Variants in UBASH3B observed in about 807,000 individuals in gnomAD.
UBASH3B encodes the protein ubiquitin-associated and SH3 domain-containing protein B.
A neutral mutation model predicts 83.4 loss-of-function variants in UBASH3B; 37 were observed. That is an observed-to-expected ratio of 0.44 (90% CI 0.34 to 0.58). The LOEUF (loss-of-function observed/expected upper bound fraction) is 0.58. Among genes scored for constraint, UBASH3B ranks in the 20% least tolerant of loss-of-function variants. UBASH3B has a pLI of 0.01. For missense variants in UBASH3B, 657 were observed against 827.2 expected, an observed-to-expected ratio of 0.79 and a Z score of 2.52; for synonymous variants, 304 against 318.3, an observed-to-expected ratio of 0.96 and a Z score of 0.48.
intron 1 of UBASH3B, among the ~76,000 whole-genome samples, chr11:122,711,769 T>G (rs1335444098): frequency 6.6e-6 from 1 of 152,174 alleles, no homozygotes; most frequent in East Asian, 1.9e-4. Context: ...AAAATGGGAA[T>G]ACTAATCCTG....
At chr11:122,688,786 A>G (rs1863845235) in intron 1 of UBASH3B, among the ~76,000 whole-genome samples, 1 of 152,040 alleles carries the variant, frequency 6.6e-6, no homozygotes, top group South Asian at 2.1e-4. Flanking sequence ...CTGGGACTAC[A>G]GGCGCCCGCC....
intron 1 of UBASH3B, 122 bp downstream of exon 1, chr11:122,656,332 C>T: frequency 5.7e-6 from 6 of 1,060,928 alleles, no homozygotes; most frequent in Non-Finnish European, 7.3e-6. Flanking sequence ...CTGCCCGAGA[C>T]CTGTTGGGGG....
intron 2 of UBASH3B, 27 bp from the exon 3 acceptor site, chr11:122,776,997 C>T: frequency 1.9e-6 from 3 of 1,559,608 alleles, no homozygotes; most frequent in South Asian, 2.4e-5. Context: ...TCAAGCGACA[C>T]CTTGTTGGCT....
intron 1 of UBASH3B, among the ~76,000 whole-genome samples, chr11:122,699,531 C>CTCTTTCTTTCTTTCTCTT (rs1555137140): frequency 3.2e-4 from 34 of 107,928 alleles, no homozygotes; most frequent in African/African-American, 1.2e-3. Context: ...TTCTTTCTTT[C>CTCTTTCTTTCTTTCTCTT]TCTTTCTTTC....
chr11:122,656,109 C>A lies in UBASH3B; in HGVS notation c.60C>A (p.Ser20Arg). 1.2e-6 allele frequency: 2 copies of A among 1,601,932 alleles called. No homozygotes were observed. The highest frequency in any genetic ancestry group is 1.7e-6 in the Non-Finnish European group (2 of 1,175,356). The change falls in exon 1 of 14, where the codon AGC (serine) becomes AGA (arginine). Residue 20 changes from serine to arginine, a missense_variant. Physicochemically the swap from Ser to Arg is moderately radical, Grantham distance 110. This residue lies in a region of UBASH3B where 78 missense variants were observed against 68.4 expected (regional missense o/e 1.14). Coordinates refer to ENST00000284273, the MANE Select transcript of UBASH3B (RefSeq NM_032873.5). ...TGGCTGCGAGAGAGGAGCTGTACAG[C>A]AAAGTCACCCCCCGGAGGAACCGCC... ...LGMAAREELY[S>R]KVTPRRNRQQ...
intron 1 of UBASH3B, among the ~76,000 whole-genome samples, chr11:122,728,110 T>G (rs1860776113): frequency 6.6e-6 from 1 of 152,186 alleles, no homozygotes; most frequent in African/African-American, 2.4e-5. Flanking sequence ...GGTGCTGGTA[T>G]TACAGGCGTG....
At chr11:122,779,475 G>A in intron 3 of UBASH3B, 22 bp from the exon 4 acceptor site, 1 of 1,613,066 alleles carries the variant, frequency 6.2e-7, no homozygotes, top group Non-Finnish European at 8.5e-7. Flanking sequence ...TCTGAGTGAA[G>A]ACTGCCTGTT....
intron 1 of UBASH3B, among the ~76,000 whole-genome samples, chr11:122,712,816 A>G (rs1864213382): frequency 6.8e-6 from 1 of 147,156 alleles, no homozygotes. Context: ...TGGATGAATG[A>G]GGAATAGTGG....
At chr11:122,664,751 A>G (rs1010318803) in intron 1 of UBASH3B, among the ~76,000 whole-genome samples, 3 of 152,242 alleles carry the variant, frequency 2.0e-5, no homozygotes, top group Admixed American at 2.0e-4. Flanking sequence ...ATGAACATCC[A>G]GAAACTGTCT....
At chr11:122,718,096 A>G (rs1245615548) in intron 1 of UBASH3B, among the ~76,000 whole-genome samples, 1 of 151,846 alleles carries the variant, frequency 6.6e-6, no homozygotes, top group Non-Finnish European at 1.5e-5. Flanking sequence ...TAATTTTTGT[A>G]TTTTTAGTAG....
chr11:122,690,232 AATTT>A, intron 1 of UBASH3B, among the ~76,000 whole-genome samples: 1 of 118,714 alleles, frequency 8.4e-6, no homozygotes, highest in African/African-American at 3.1e-5. Context: ...ATATATATCC[AATTT>A]TATATATATA....
intron 1 of UBASH3B, among the ~76,000 whole-genome samples, chr11:122,755,972 G>A (rs1449374722): frequency 6.6e-6 from 1 of 152,066 alleles, no homozygotes; most frequent in East Asian, 1.9e-4. Flanking sequence ...CCATTACCAC[G>A]GAAGGCACTG....
chr11:122,703,039 C>G (rs1864064293), intron 1 of UBASH3B, among the ~76,000 whole-genome samples: 1 of 151,778 alleles, frequency 6.6e-6, no homozygotes, highest in Non-Finnish European at 1.5e-5. Context: ...TTGAAATGTC[C>G]TCTTTCCTCT....
intron 4 of UBASH3B, among the ~76,000 whole-genome samples, chr11:122,780,799 G>A (rs1014347188): frequency 1.3e-5 from 2 of 152,196 alleles, no homozygotes; most frequent in African/African-American, 4.8e-5. Flanking sequence ...TGACCAGAGT[G>A]GATGGTGCAG....
intron 1 of UBASH3B, among the ~76,000 whole-genome samples, chr11:122,722,494 C>T (rs1860656826): frequency 6.6e-6 from 1 of 152,082 alleles, no homozygotes; most frequent in East Asian, 1.9e-4. Context: ...TGTTCTTTGT[C>T]TAGGAGAGTG....
At chr11:122,775,918 T>C in intron 1 of UBASH3B, 1 of 294,884 alleles carries the variant, frequency 3.4e-6, no homozygotes. Flanking sequence ...AACCAAGACA[T>C]GACAACCTTT....
chr11:122,671,164 C>A (rs183176082), intron 1 of UBASH3B, among the ~76,000 whole-genome samples: 1 of 152,322 alleles, frequency 6.6e-6, no homozygotes, highest in Non-Finnish European at 1.5e-5. Flanking sequence ...CTCCTCAGTG[C>A]GCAGTGGGAG....
At chr11:122,682,091 G>T (rs1863748172) in intron 1 of UBASH3B, among the ~76,000 whole-genome samples, 1 of 152,214 alleles carries the variant, frequency 6.6e-6, no homozygotes, top group Non-Finnish European at 1.5e-5. Context: ...CCACTTGGAA[G>T]CTCGGAGGGA....
At chr11:122,779,431 G>A in intron 3 of UBASH3B, 66 bp from the exon 4 acceptor site, 1 of 1,575,760 alleles carries the variant, frequency 6.3e-7, no homozygotes. Flanking sequence ...GGATGCCAAT[G>A]TTAAGTAGCA....
Sources: allele counts gnomAD v4.1 joint callset (sites outside exome capture counted in the v4.1 genomes callset), GRCh38; gene constraint gnomAD v4.1.1; regional missense constraint gnomAD v4.1.1; transcripts MANE v1.5; gene names NCBI Gene and HGNC (gene_info 2026-07-23, HGNC 2026-07-21).